Variants in SCPEP1 observed in about 807,000 individuals in gnomAD.
SCPEP1 encodes the protein retinoid-inducible serine carboxypeptidase.
In SCPEP1, 51 loss-of-function variants were observed where a neutral mutation model predicts 63.8. That is an observed-to-expected ratio of 0.80 (90% confidence interval 0.64 to 1.01). The LOEUF (loss-of-function observed/expected upper bound fraction) is 1.01. Among genes scored for constraint, SCPEP1 ranks in the 50% least tolerant of loss-of-function variants. The pLI is 0.00. For synonymous variants in SCPEP1, 204 were observed against 207.8 expected (o/e 0.98, Z 0.16); for missense variants, 499 against 554.9 (o/e 0.90, Z 1.01).
At chr17:57,002,229 A>G in intron 12 of SCPEP1, 48 bp downstream of exon 12, 1 of 1,588,254 alleles carries the variant, frequency 6.3e-7, no homozygotes, top group African/African-American at 1.3e-5. Context: ...CTGAGAGGGA[A>G]GCCACAGGCG....
At position 56,986,569 on chromosome 17, in the gene SCPEP1, A is replaced by G. The variant is rs570636673; in HGVS notation, c.315+1102A>G. The stretch of plus-strand genomic sequence containing the variant: ...TTTTCTGTTTTTTTGTTTTTGAGAC[A>G]GAGTCTCGCTCTTTCGCCCAGGCCA... On this transcript the variant is annotated intron_variant, in intron 3 of 12. Transcript: ENST00000262288. Among the ~76,000 whole-genome samples, 75 of 139,282 alleles carry G rather than the reference A, an allele frequency of 5.4e-4. No homozygotes were observed. In the South Asian group the frequency reaches 0.013, roughly 23 times the overall value. 91.4% of individuals were successfully genotyped at this position (139,282 alleles called of 152,430 possible). A position where few individuals can be genotyped will look rare whatever the true frequency, so the allele number is the denominator to read the frequency against.
In SCPEP1 at chr17:57,000,968, C is replaced by G; in HGVS notation, c.1108C>G (p.Leu370Val). ...CAACGTGACGGTGTATAATGGACAG[C>G]TGGATCTCATCGTAGATACCATGGG... ...GINVTVYNGQ[L>V]DLIVDTMGQE... The change falls in exon 11 of 13, where the codon CTG (leucine) becomes GTG (valine). Residue 370 changes from leucine to valine, a missense_variant. Coordinates refer to ENST00000262288, the MANE Select transcript of SCPEP1 (RefSeq NM_021626.3). 1 of 1,614,180 alleles carries G rather than the reference C, an allele frequency of 6.2e-7. No homozygotes were observed. Among genetic ancestry groups the G allele is most frequent in the South Asian group, 1.1e-5 (1 of 91,084 alleles).
Position 57,006,450 on chromosome 17 carries a change from A to G in SCPEP1, c.*215A>G, listed in dbSNP as rs558767470. 9.3e-5 allele frequency: 35 copies of G among 374,394 alleles called. No individual in the cohort carries two copies. Among genetic ancestry groups the G allele is most frequent in the African/African-American group, 7.3e-4 (35 of 47,956 alleles). The allele number at this position is 374,394 out of a possible 1,614,324, so 23.2% of individuals were successfully genotyped here. A position where few individuals can be genotyped will look rare whatever the true frequency, so the allele number is the denominator to read the frequency against. ...AAAAAAACCTAAGATTTTTTAAAAA[A>G]TTGATTTGTTTTGATCAAAATAAAG... is the stretch of plus-strand genomic sequence containing the variant. On this transcript the variant is annotated 3_prime_UTR_variant, in exon 13 of 13. Transcript: ENST00000262288.
intron 1 of SCPEP1, among the ~76,000 whole-genome samples, chr17:56,979,306 G>A (rs186821794): frequency 4.7e-4 from 72 of 152,206 alleles, no homozygotes; most frequent in Middle Eastern, 3.4e-3. Flanking sequence ...TTTACAAGAC[G>A]TTGTCTCATT....
At chr17:56,985,812 C>T (rs1911198780) in intron 3 of SCPEP1, among the ~76,000 whole-genome samples, 1 of 152,038 alleles carries the variant, frequency 6.6e-6, no homozygotes, top group African/African-American at 2.4e-5. Flanking sequence ...CAGCCACAGC[C>T]CCCAGTCCTT....
intron 1 of SCPEP1, among the ~76,000 whole-genome samples, chr17:56,980,497 C>T (rs540185256): frequency 4.6e-5 from 7 of 152,122 alleles, no homozygotes; most frequent in Non-Finnish European, 8.8e-5. Flanking sequence ...ATATAAATCT[C>T]TCTTGTTTTT....
chr17:56,992,950 C>T (rs1416415674), intron 6 of SCPEP1, among the ~76,000 whole-genome samples: 5 of 152,156 alleles, frequency 3.3e-5, no homozygotes, highest in African/African-American at 7.2e-5. Flanking sequence ...TTGTCTGGAT[C>T]GTAATCCATC....
intron 10 of SCPEP1, among the ~76,000 whole-genome samples, chr17:56,999,729 TC>T (rs1235808690): frequency 1.3e-5 from 2 of 152,150 alleles, no homozygotes; most frequent in Non-Finnish European, 2.9e-5. Flanking sequence ...ACGCCTGTAA[TC>T]CCAGCATTTT....
At chr17:56,993,650 T>G (rs1460894300) in intron 6 of SCPEP1, among the ~76,000 whole-genome samples, 5 of 152,216 alleles carry the variant, frequency 3.3e-5, no homozygotes, top group African/African-American at 1.2e-4. Context: ...TTTCACCATG[T>G]TGGCCAGGCT....
At chr17:57,002,591 C>T (rs562240605) in intron 12 of SCPEP1, among the ~76,000 whole-genome samples, 39 of 152,292 alleles carry the variant, frequency 2.6e-4, no homozygotes, top group Non-Finnish European at 5.1e-4. Context: ...TCTGTAATCC[C>T]AGCTACTTGG....
chr17:56,981,303 G>C, intron 2 of SCPEP1, 73 bp downstream of exon 2: 1 of 1,560,966 alleles, frequency 6.4e-7, no homozygotes, highest in Non-Finnish European at 8.8e-7. Flanking sequence ...TTGCTTTTTG[G>C]GCTGATGTCT....
rs1275193068 is a variant in SCPEP1, at chr17:56,995,489, T to C, written c.658-18T>C. 1.2e-6 allele frequency: 2 copies of C among 1,607,390 alleles called. No homozygotes were observed. The highest frequency in any genetic ancestry group is 1.7e-4 in the Middle Eastern group (1 of 6,044). Reference sequence around the variant, plus strand: ...TCCCAAGTAAAGTGGGTCTTTTTGCTCTTGGTTTGCATTCCAGTCTCTTCT... The same window carrying C: ...TCCCAAGTAAAGTGGGTCTTTTTGCCCTTGGTTTGCATTCCAGTCTCTTCT... On this transcript the variant is annotated intron_variant, in intron 7 of 12. Coordinates refer to ENST00000262288, the MANE Select transcript of SCPEP1 (RefSeq NM_021626.3).
chr17:56,985,104 G>A, intron 2 of SCPEP1: 1 of 323,558 alleles, frequency 3.1e-6, no homozygotes, highest in South Asian at 3.0e-5. Context: ...GACTCTGTCT[G>A]AAAAGAAAAG....
In SCPEP1 at chr17:56,998,407, G is replaced by A. The variant is rs554307577; in HGVS notation, c.903G>A (p.Val301=). ...TAGTTTGTCTTTGTCAGCGCCACGT[G>A]AGACACCTACAACGAGATGCCTTAA... ...SHLVCLCQRH[V]RHLQRDALSQ... is the part of the protein sequence containing the mutation. The change falls in exon 10 of 13, where the codon GTG becomes GTA. Residue 301 remains valine (V), a synonymous_variant. Transcript: ENST00000262288. The A allele has an allele frequency of 6.2e-7, 1 of 1,613,764 alleles. No individual in the cohort carries two copies. Among genetic ancestry groups the A allele is most frequent in the African/African-American group, 1.3e-5 (1 of 74,942 alleles).
chr17:56,991,161 C>G lies in SCPEP1; in HGVS notation c.609C>G (p.Ile203Met). The G allele has an allele frequency of 6.2e-7, 1 of 1,613,576 alleles. No individual in the cohort carries two copies. The highest frequency in any genetic ancestry group is 2.2e-5 in the East Asian group (1 of 44,872). Residue 203 changes from isoleucine to methionine, a missense_variant, in exon 6 of 13, where the codon ATC becomes ATG. Transcript: ENST00000262288. ...FAGVALGDSW[I>M]SPVDSVLSWG... ...GGGTTGCCTTGGGTGATTCCTGGAT[C>G]TCCCCTGTTGGTAAGTGTGGCATTT...
chr17:57,000,333 G>A (rs1911702343), intron 10 of SCPEP1, among the ~76,000 whole-genome samples: 1 of 152,138 alleles, frequency 6.6e-6, no homozygotes, highest in South Asian at 2.1e-4. Flanking sequence ...ATGGGCAGGA[G>A]CTAGCAAGAG....
chr17:56,999,678 C>T (rs1911679923), intron 10 of SCPEP1, among the ~76,000 whole-genome samples: 1 of 152,112 alleles, frequency 6.6e-6, no homozygotes, highest in Non-Finnish European at 1.5e-5. Context: ...GAAAAATTAG[C>T]TCAAATGAAA....
In SCPEP1 at chr17:57,003,768, C is replaced by G. The variant is rs145533592; in HGVS notation, c.1296+1587C>G. 3.6e-3 allele frequency among the ~76,000 whole-genome samples: 551 copies of G among 152,184 alleles called. 13 individuals carry two copies. Among genetic ancestry groups the G allele is most frequent in the Admixed American group, 0.025 (378 of 15,272 alleles). ...GTGCTTACACCGATGTCCTTGGCAC[C>G]TGCGTTGGTGAGATATTTTGGTGAG... On this transcript the variant is annotated intron_variant, in intron 12 of 12. Transcript: ENST00000262288.
intron 12 of SCPEP1, 106 bp downstream of exon 12, chr17:57,002,287 G>A (rs903466712): frequency 3.1e-5 from 32 of 1,047,338 alleles, no homozygotes; most frequent in Admixed American, 7.2e-5. Context: ...TAGGAAGTAC[G>A]AGGGCCCGAG....
Sources: allele counts gnomAD v4.1 joint callset (sites outside exome capture counted in the v4.1 genomes callset), GRCh38; gene constraint gnomAD v4.1.1; transcripts MANE v1.5; gene names NCBI Gene and HGNC (gene_info 2026-07-23, HGNC 2026-07-21).